The following ARID3A variants were observed in gnomAD, a reference collection of about 807,000 sequenced individuals.
ARID3A encodes the protein AT-rich interactive domain-containing protein 3A.
In ARID3A, 11 loss-of-function variants were observed where a neutral mutation model predicts 52.7. That is an observed-to-expected ratio of 0.21 (90% confidence interval 0.13 to 0.35). ARID3A has a LOEUF of 0.35. Ranked by LOEUF, ARID3A falls within the 10% of genes least tolerant of loss-of-function variation. The pLI, the probability that ARID3A is intolerant of heterozygous loss-of-function variation, is 1.00. For missense variants in ARID3A, 721 were observed against 838.5 expected (o/e 0.86, Z 1.73); for synonymous variants, 404 against 359.4 (o/e 1.12, Z -1.40).
rs56404084 is a variant in ARID3A, at chr19:973,104, ATTT to A, written c.*1058_*1060del. 6.3e-3 allele frequency: 339 copies of A among 53,676 alleles called. 30 individuals carry two copies. Among genetic ancestry groups the A allele is most frequent in the Middle Eastern group, 0.045 (2 of 44 alleles). The allele number at this position is 53,676 out of a possible 1,614,324, so 3.3% of individuals were successfully genotyped here. A position where few individuals can be genotyped will look rare whatever the true frequency, so the allele number is the denominator to read the frequency against. ...GGGCTCTCGAGTCAGGGGCCTGGAA[ATTT>A]TTTTTTTTTTTTTTTTTTGAGACGG... On this transcript the variant is annotated 3_prime_UTR_variant, in exon 9 of 9. Transcript: ENST00000263620.
Position 972,515 on chromosome 19 carries a change from T to C in ARID3A, c.*450T>C, listed in dbSNP as rs987779884. The C allele has an allele frequency of 4.6e-6, 1 of 216,678 alleles. No individual in the cohort carries two copies. The highest frequency in any genetic ancestry group is 2.3e-5 in the African/African-American group (1 of 44,276). The allele number at this position is 216,678 out of a possible 1,614,324, so 13.4% of individuals were successfully genotyped here. On this transcript the variant is annotated 3_prime_UTR_variant, in exon 9 of 9. Transcript: ENST00000263620. ...TGTGTGTTTTCATTTTTGTCTGCTT[T>C]AGTTCTCTTTTATTTTCTATTCACC...
Position 972,205 on chromosome 19 carries a change from AAAAAG to A in ARID3A, c.*150_*154del. On this transcript the variant is annotated 3_prime_UTR_variant, in exon 9 of 9. Coordinates refer to ENST00000263620, the MANE Select transcript of ARID3A (RefSeq NM_005224.3). ...CCAGAAAGGAGCCACAGCTGACGCC[AAAAAG>A]AAAAGAAAAAAGATATATATATATA... The A allele has an allele frequency of 2.0e-6, 1 of 497,732 alleles. No homozygotes were observed. Among genetic ancestry groups the A allele is most frequent in the Non-Finnish European group, 3.5e-6 (1 of 287,242 alleles). 30.8% of individuals were successfully genotyped at this position (497,732 alleles called of 1,614,324 possible). A position where few individuals can be genotyped will look rare whatever the true frequency, so the allele number is the denominator to read the frequency against.
Position 964,473 on chromosome 19 carries a change from C to CT in ARID3A, c.950+43dup. On this transcript the variant is annotated intron_variant, in intron 5 of 8. Coordinates refer to ENST00000263620, the MANE Select transcript of ARID3A (RefSeq NM_005224.3). This position sits in a 1 kb window ranked among gnomAD's most constrained non-coding sequence, Gnocchi z 5.7. The stretch of plus-strand genomic sequence containing the variant: ...TGTGCCGAGGTCGGGCCAGGGCACT[C>CT]TGAGCAGCCAGTGCAAGGGGCCTGC... 6.5e-7 allele frequency: 1 copy of CT among 1,530,574 alleles called. No homozygotes were observed. The highest frequency in any genetic ancestry group is 2.0e-5 in the Admixed American group (1 of 50,050). The allele number at this position is 1,530,574 out of a possible 1,614,324, so 94.8% of individuals were successfully genotyped here.
chr19:940,510 C>G (rs1006914808), intron 3 of ARID3A, among the ~76,000 whole-genome samples: 3 of 151,972 alleles, frequency 2.0e-5, no homozygotes, highest in East Asian at 1.9e-4. Context: ...AGAACGGAGG[C>G]ACCCTTGGTC....
rs11085230 is a variant in ARID3A, at chr19:975,387, T to C, written c.*3322T>C. ...GGGCACGGGGGGCAGCTGGGGTCGT[T>C]GTTAAGGGTCACGCATCTGTACAGT... On this transcript the variant is annotated 3_prime_UTR_variant, in exon 9 of 9. Coordinates refer to ENST00000263620, the MANE Select transcript of ARID3A (RefSeq NM_005224.3). The C allele has an allele frequency of 0.54, 124,970 of 231,018 alleles. 34,694 individuals are homozygous for C. The highest frequency in any genetic ancestry group is 0.7 in the African/African-American group (31,458 of 45,174). The allele number at this position is 231,018 out of a possible 1,614,324, so 14.3% of individuals were successfully genotyped here. A position where few individuals can be genotyped will look rare whatever the true frequency, so the allele number is the denominator to read the frequency against.
rs2038100972 is a variant in ARID3A, at chr19:964,240, T to TC, written c.767-3dup. Reference sequence around the variant, plus strand: ...GGCCCCCAACCTCCCTCTCGCCCCTTCCCCCAGGGACACCTGTGAACCGCA... The same window carrying TC: ...GGCCCCCAACCTCCCTCTCGCCCCTTCCCCCCAGGGACACCTGTGAACCGCA... On this transcript the variant is annotated splice_region_variant and splice_polypyrimidine_tract_variant and intron_variant, in intron 4 of 8. Coordinates refer to ENST00000263620, the MANE Select transcript of ARID3A (RefSeq NM_005224.3). This position sits in a 1 kb window ranked among gnomAD's most constrained non-coding sequence, Gnocchi z 5.7. The TC allele has an allele frequency of 1.2e-6, 2 of 1,605,350 alleles. No homozygotes were observed. The highest frequency in any genetic ancestry group is 1.7e-6 in the Non-Finnish European group (2 of 1,173,578).
At position 929,486 on chromosome 19, in the gene ARID3A, TG is replaced by T. The variant is rs1183059377; in HGVS notation, c.-41del. The T allele has an allele frequency of 8.7e-7, 1 of 1,144,218 alleles. No individual in the cohort carries two copies. The highest frequency in any genetic ancestry group is 1.8e-5 in the African/African-American group (1 of 55,970). The allele number at this position is 1,144,218 out of a possible 1,614,324, so 70.9% of individuals were successfully genotyped here. ...CGCCGCCCACCCCTAGCGCCCGTGG[TG>T]GTGGTGGTGGTGGTGGTGGTGGTGG... On this transcript the variant is annotated 5_prime_UTR_variant, in exon 2 of 9. Transcript: ENST00000263620. The surrounding 1 kb of genome is among the most constrained non-coding windows in gnomAD (Gnocchi z 6.2).
chr19:971,936 C>A lies in ARID3A; in HGVS notation c.1653C>A (p.Gly551=), dbSNP rs138086881. 6.3e-5 allele frequency: 36 copies of A among 572,062 alleles called. No individual in the cohort carries two copies. The highest frequency in any genetic ancestry group is 6.1e-4 in the African/African-American group (32 of 52,862). 35.4% of individuals were successfully genotyped at this position (572,062 alleles called of 1,614,324 possible). A position where few individuals can be genotyped will look rare whatever the true frequency, so the allele number is the denominator to read the frequency against. ...PTPTSAPNKG[G]GGGGGSSSNA... ...CAACCTCTGCTCCCAACAAAGGAGG[C>A]GGCGGCGGCGGCGGCAGCAGCAGCA... The change falls in exon 9 of 9, where the codon GGC becomes GGA. Residue 551 remains glycine (G), a synonymous_variant. Transcript: ENST00000263620.
chr19:935,873 C>G (rs1250523663), intron 3 of ARID3A, among the ~76,000 whole-genome samples: 1 of 152,248 alleles, frequency 6.6e-6, no homozygotes, highest in African/African-American at 2.4e-5. Flanking sequence ...TCACTGCAAG[C>G]TCTACCTCCC....
intron 4 of ARID3A, among the ~76,000 whole-genome samples, chr19:963,814 G>C (rs1017353167): frequency 2.4e-4 from 36 of 152,228 alleles, no homozygotes; most frequent in African/African-American, 7.5e-4. Context: ...GGGTAAGCCA[G>C]GCTTTACCCC....
In ARID3A at chr19:959,943, G is replaced by A. The variant is rs149375268; in HGVS notation, c.694-149G>A. On this transcript the variant is annotated intron_variant, in intron 3 of 8. Coordinates refer to ENST00000263620, the MANE Select transcript of ARID3A (RefSeq NM_005224.3). The surrounding 1 kb of genome is among the most constrained non-coding windows in gnomAD (Gnocchi z 5.0). ...CCTTGTGGTTCTTCACCTGCCCAGC[G>A]GGGTCTTCGGCTCTGGCAGCGGCTT... The A allele has an allele frequency of 2.0e-3, 1,045 of 528,446 alleles. 12 individuals carry two copies. The highest frequency in any genetic ancestry group is 0.018 in the African/African-American group (908 of 50,656). 32.7% of individuals were successfully genotyped at this position (528,446 alleles called of 1,614,324 possible).
intron 8 of ARID3A, among the ~76,000 whole-genome samples, chr19:971,256 C>T (rs2038271500): frequency 6.6e-6 from 1 of 152,094 alleles, no homozygotes; most frequent in African/African-American, 2.4e-5. Context: ...TTGTTTTAGG[C>T]CAGGAACTTG....
In ARID3A at chr19:947,193, C is replaced by T. The variant is rs927928839; in HGVS notation, c.694-12899C>T. Reference sequence around the variant, plus strand: ...GTGTGTGGCCTGGGGCACCCCCTGCCGTCAGCCCAGATCTGTGTCTGTGTC... The same window carrying T: ...GTGTGTGGCCTGGGGCACCCCCTGCTGTCAGCCCAGATCTGTGTCTGTGTC... On this transcript the variant is annotated intron_variant, in intron 3 of 8. Transcript: ENST00000263620. The surrounding 1 kb of genome is among the most constrained non-coding windows in gnomAD (Gnocchi z 6.3). Among the ~76,000 whole-genome samples the T allele has an allele frequency of 6.6e-6, 1 of 152,168 alleles. No homozygotes were observed. Among genetic ancestry groups the T allele is most frequent in the Non-Finnish European group, 1.5e-5 (1 of 68,028 alleles).
chr19:960,046 C>T lies in ARID3A; in HGVS notation c.694-46C>T. 6.4e-7 allele frequency: 1 copy of T among 1,559,634 alleles called. No homozygotes were observed. The highest frequency in any genetic ancestry group is 8.8e-7 in the Non-Finnish European group (1 of 1,135,634). ...GTGCAGGAGGGACATGGTTCCCACA[C>T]CTGAGCTCTGGCACCAACTAACCCA... On this transcript the variant is annotated intron_variant, in intron 3 of 8. Coordinates refer to ENST00000263620, the MANE Select transcript of ARID3A (RefSeq NM_005224.3). The surrounding 1 kb of genome is among the most constrained non-coding windows in gnomAD (Gnocchi z 4.3).
At position 960,796 on chromosome 19, in the gene ARID3A, G is replaced by T. The variant is rs1018313262; in HGVS notation, c.766+632G>T. Among the ~76,000 whole-genome samples the T allele has an allele frequency of 6.6e-6, 1 of 152,138 alleles. No individual in the cohort carries two copies. Among genetic ancestry groups the T allele is most frequent in the Non-Finnish European group, 1.5e-5 (1 of 68,016 alleles). On this transcript the variant is annotated intron_variant, in intron 4 of 8. Coordinates refer to ENST00000263620, the MANE Select transcript of ARID3A (RefSeq NM_005224.3). This position sits in a 1 kb window ranked among gnomAD's most constrained non-coding sequence, Gnocchi z 4.3. Reference sequence around the variant, plus strand: ...GCTGTTTACTGTGCACACTTATTGGGCACCAACGGTATACCAGGCTCTGTG... The same window carrying T: ...GCTGTTTACTGTGCACACTTATTGGTCACCAACGGTATACCAGGCTCTGTG...
intron 3 of ARID3A, among the ~76,000 whole-genome samples, chr19:952,782 G>T (rs1038251356): frequency 9.2e-5 from 14 of 152,064 alleles, no homozygotes. Context: ...TTCTCCCAGG[G>T]GGCCCTGCAG....
chr19:939,811 G>A (rs141846209), intron 3 of ARID3A, among the ~76,000 whole-genome samples: 42 of 152,202 alleles, frequency 2.8e-4, no homozygotes, highest in African/African-American at 9.6e-4. Flanking sequence ...GAACATCTTC[G>A]GGGCGTGAGA....
intron 3 of ARID3A, among the ~76,000 whole-genome samples, chr19:955,260 C>T (rs1470690783): frequency 6.6e-6 from 1 of 152,132 alleles, no homozygotes; most frequent in Non-Finnish European, 1.5e-5. Flanking sequence ...GGGCGGGGCG[C>T]CCCCCACAGG....
intron 3 of ARID3A, among the ~76,000 whole-genome samples, chr19:951,632 A>T (rs1022357981): frequency 1.3e-5 from 2 of 152,164 alleles, no homozygotes; most frequent in Non-Finnish European, 2.9e-5. Context: ...TGGCTGTTGG[A>T]TGAATTCTCT....
Sources: allele counts gnomAD v4.1 joint callset (sites outside exome capture counted in the v4.1 genomes callset), GRCh38; gene constraint gnomAD v4.1.1; non-coding constraint Gnocchi (gnomAD v3.1); transcripts MANE v1.5; gene names NCBI Gene and HGNC (gene_info 2026-07-23, HGNC 2026-07-21).